The following TNFSF11 variants were observed in gnomAD, a reference collection of about 807,000 sequenced individuals.
TNFSF11 encodes the protein tumor necrosis factor ligand superfamily member 11.
A neutral mutation model predicts 32.2 loss-of-function variants in TNFSF11; 12 were observed. The ratio of observed to expected loss-of-function variants is 0.37; its 90% CI spans 0.24 to 0.60. The LOEUF (loss-of-function observed/expected upper bound fraction) is 0.60. Among genes scored for constraint, TNFSF11 ranks in the 20% least tolerant of loss-of-function variants. The pLI is 0.66. For missense variants in TNFSF11, 345 were observed against 398.0 expected (o/e 0.87, Z 1.13); for synonymous variants, 172 against 152.1 (o/e 1.13, Z -0.96).
chr13:42,568,255 G>T (rs914354811), intron 2 of TNFSF11, among the ~76,000 whole-genome samples: 2 of 152,046 alleles, frequency 1.3e-5, no homozygotes, highest in Non-Finnish European at 2.9e-5. Flanking sequence ...TGTATGCTTT[G>T]CCAACCCCTT....
At chr13:42,572,584 G>A (rs28926171), upstream of TNFSF11, among the ~76,000 whole-genome samples, 70 of 152,136 alleles carry the variant, frequency 4.6e-4, 1 homozygote, top group Non-Finnish European at 7.8e-4. Flanking sequence ...ACAAGGAGTA[G>A]AATTAACGTC....
chr13:42,581,015 G>A (rs1465828756), intron 1 of TNFSF11, 111 bp from the exon 2 acceptor site: 3 of 1,097,484 alleles, frequency 2.7e-6, no homozygotes, highest in East Asian at 4.8e-5. Context: ...CATTGTTGGG[G>A]ACATAAAGAC....
chr13:42,575,431 T>C (rs1391787819), intron 1 of TNFSF11, among the ~76,000 whole-genome samples: 1 of 152,222 alleles, frequency 6.6e-6, no homozygotes, highest in African/African-American at 2.4e-5. Context: ...TATTCTTGTC[T>C]GGTGCTGTGA....
At chr13:42,566,441 A>T (rs968865413) in intron 1 of TNFSF11, among the ~76,000 whole-genome samples, 5 of 152,224 alleles carry the variant, frequency 3.3e-5, no homozygotes, top group Non-Finnish European at 7.3e-5. Context: ...GAGGGACTTG[A>T]ATCAAATAAA....
In TNFSF11 at chr13:42,594,923, T is replaced by TA. The variant is rs370210439; in HGVS notation, c.388-5828dup. Reference sequence around the variant, plus strand: ...AAATTGTGTAATCCCAGCATTTTTTTATGAGTTAAATAGAAGTTGAAATTT... The same window carrying TA: ...AAATTGTGTAATCCCAGCATTTTTTTAATGAGTTAAATAGAAGTTGAAATTT... On this transcript the variant is annotated intron_variant, in intron 2 of 4. Coordinates refer to ENST00000398795, the MANE Select transcript of TNFSF11 (RefSeq NM_003701.4). Among the ~76,000 whole-genome samples, 217 of 151,436 alleles carry TA rather than the reference T, an allele frequency of 1.4e-3. 1 individual carries two copies. The highest frequency in any genetic ancestry group is 5.1e-3 in the African/African-American group (211 of 41,326).
intron 2 of TNFSF11, among the ~76,000 whole-genome samples, chr13:42,594,307 C>T (rs1351827246): frequency 6.6e-6 from 1 of 151,992 alleles, no homozygotes. Context: ...GTCTTGAACT[C>T]CTGGCCTGAG....
Position 42,574,364 on chromosome 13 carries a change from G to T in TNFSF11, c.61G>T (p.Gly21Cys), listed in dbSNP as rs1299592568. ...YLRGSEEMGG[G>C]PGAPHEGPLH... The stretch of plus-strand genomic sequence containing the variant: ...GCGTGGCTCGGAGGAGATGGGCGGC[G>T]GCCCCGGAGCCCCGCACGAGGGCCC... Residue 21 changes from glycine (G) to cysteine (C), a missense_variant, in exon 1 of 5, where the codon GGC (glycine) becomes TGC (cysteine). Transcript: ENST00000398795. 6.5e-7 allele frequency: 1 copy of T among 1,542,076 alleles called. No individual in the cohort carries two copies.
intron 2 of TNFSF11, among the ~76,000 whole-genome samples, chr13:42,593,696 G>A (rs1366666946): frequency 6.6e-6 from 1 of 152,116 alleles, no homozygotes; most frequent in Non-Finnish European, 1.5e-5. Flanking sequence ...ATTACATGAA[G>A]GGTATCATTA....
chr13:42,564,238 C>T (rs1027858954), intron 1 of TNFSF11, among the ~76,000 whole-genome samples: 2 of 151,834 alleles, frequency 1.3e-5, no homozygotes, highest in South Asian at 4.2e-4. Flanking sequence ...TTACCTTTGC[C>T]TCTGTTTTCT....
chr13:42,563,144 A>G (rs980919380), intron 1 of TNFSF11, among the ~76,000 whole-genome samples: 3 of 152,238 alleles, frequency 2.0e-5, no homozygotes, highest in African/African-American at 7.2e-5. Flanking sequence ...TTATAACTTT[A>G]CTAGTCAAAT....
chr13:42,602,850 C>T (rs1006225000), intron 4 of TNFSF11, among the ~76,000 whole-genome samples: 4 of 152,152 alleles, frequency 2.6e-5, no homozygotes, highest in Non-Finnish European at 5.9e-5. Context: ...TGCATTAGAC[C>T]GTTTGCCAAA....
Position 42,600,930 on chromosome 13 carries a change from G to A in TNFSF11, c.481G>A (p.Glu161Lys). The change falls in exon 4 of 5, where the codon GAA (glutamate) becomes AAA (lysine). Residue 161 changes from glutamate to lysine, a missense_variant. Transcript: ENST00000398795. ...AGATCTGGCCAAGAGGAGCAAGCTTGAAGCTCAGCCTTTTGCTCATCTCAC... is the reference window on the plus strand; with the variant it reads ...AGATCTGGCCAAGAGGAGCAAGCTTAAAGCTCAGCCTTTTGCTCATCTCAC... Reference protein sequence around the residue: ...WLDLAKRSKLEAQPFAHLTIN... With the variant: ...WLDLAKRSKLKAQPFAHLTIN... 7 of 1,614,100 alleles carry A rather than the reference G, an allele frequency of 4.3e-6. No homozygotes were observed. The highest frequency in any genetic ancestry group is 5.9e-6 in the Non-Finnish European group (7 of 1,179,990).
rs568163943 is a variant in TNFSF11, at chr13:42,602,506, G to A, written c.532+1525G>A. On this transcript the variant is annotated intron_variant, in intron 4 of 4. Coordinates refer to ENST00000398795, the MANE Select transcript of TNFSF11 (RefSeq NM_003701.4). ...GGAATTTTTCCTGACCGAAGACACA[G>A]AAAGGGAGAAACCAATTCTTTGGCT... Among the ~76,000 whole-genome samples the A allele has an allele frequency of 9.8e-5, 15 of 152,316 alleles. No homozygotes were observed. In the South Asian group the frequency reaches 2.9e-3, roughly 29 times the overall value.
intron 2 of TNFSF11, among the ~76,000 whole-genome samples, chr13:42,594,223 C>A (rs1455981076): frequency 6.6e-6 from 1 of 151,932 alleles, no homozygotes; most frequent in African/African-American, 2.4e-5. Context: ...GGATTACTGG[C>A]AACTGCCACC....
At position 42,581,209 on chromosome 13, in the gene TNFSF11, C is replaced by A. The variant is rs150519070; in HGVS notation, c.303C>A (p.Asp101Glu). Residue 101 changes from aspartate (D) to glutamate (E), a missense_variant, in exon 2 of 5, where the codon GAC becomes GAA. Around this residue, in one of 2 missense-constraint regions of TNFSF11, gnomAD observed 197 missense variants for 182.0 expected, o/e 1.08. Coordinates refer to ENST00000398795, the MANE Select transcript of TNFSF11 (RefSeq NM_003701.4). ...LRLHENADFQ[D>E]TTLESQDTKL... ...TCCATGAAAATGCAGATTTTCAAGA[C>A]ACAACTCTGGAGAGTCAAGATACAA... 6.2e-7 allele frequency: 1 copy of A among 1,613,962 alleles called. No homozygotes were observed. The highest frequency in any genetic ancestry group is 1.3e-5 in the African/African-American group (1 of 74,920).
intron 4 of TNFSF11, among the ~76,000 whole-genome samples, chr13:42,601,269 G>T (rs1286225684): frequency 6.6e-6 from 1 of 152,188 alleles, no homozygotes; most frequent in Non-Finnish European, 1.5e-5. Flanking sequence ...ACAATCCTTT[G>T]TTATGCTCAT....
chr13:42,599,356 CTATCTATCTATCT>C (rs1869024850), intron 2 of TNFSF11, among the ~76,000 whole-genome samples: 3 of 147,968 alleles, frequency 2.0e-5, no homozygotes, highest in Admixed American at 1.3e-4. Flanking sequence ...TATCATCTAT[CTATCTATCTATCT>C]ATCTATCTAT....
intron 2 of TNFSF11, among the ~76,000 whole-genome samples, chr13:42,589,427 C>T (rs1229249570): frequency 1.3e-5 from 2 of 152,194 alleles, no homozygotes; most frequent in African/African-American, 2.4e-5. Flanking sequence ...CCATCCTTCC[C>T]ATAGCTGAGG....
chr13:42,600,086 A>G (rs899231457), intron 2 of TNFSF11, among the ~76,000 whole-genome samples: 1 of 152,096 alleles, frequency 6.6e-6, no homozygotes, highest in Non-Finnish European at 1.5e-5. Flanking sequence ...TACCTATTTC[A>G]TCCTTTATTC....
Sources: gnomAD v4.1 joint callset for allele counts (sites outside exome capture counted in the v4.1 genomes callset) on GRCh38, gnomAD v4.1.1 for gene constraint, gnomAD v4.1.1 regional missense constraint, MANE v1.5 for transcripts, NCBI Gene and HGNC (gene_info 2026-07-23, HGNC 2026-07-21) for gene names.